Variants in PTPRD observed in about 807,000 individuals in gnomAD.
PTPRD encodes the protein receptor-type tyrosine-protein phosphatase delta.
PTPRD carries 34 observed loss-of-function variants against 214.5 expected under a neutral mutation model. The observed-to-expected ratio is 0.16, with a 90% CI of 0.12 to 0.21. PTPRD has a LOEUF of 0.21. Ranked by LOEUF, PTPRD falls within the 10% of genes least tolerant of loss-of-function variation. PTPRD has a pLI of 1.00. For synonymous variants in PTPRD, 1,128 were observed against 845.7 expected (o/e 1.33, Z -5.79); for missense variants, 2,545 against 2,398.7 (o/e 1.06, Z -1.27).
intron 9 of PTPRD, among the ~76,000 whole-genome samples, chr9:9,356,218 T>C (rs180799954): frequency 5.3e-5 from 8 of 151,330 alleles, no homozygotes; most frequent in Non-Finnish European, 1.2e-4. Flanking sequence ...AAGACAATTT[T>C]GTGTATGTTT....
At chr9:8,791,838 G>A (rs1025204377) in intron 11 of PTPRD, among the ~76,000 whole-genome samples, 11 of 152,006 alleles carry the variant, frequency 7.2e-5, no homozygotes, top group African/African-American at 2.7e-4. Context: ...TTTTAACTTA[G>A]GGAACATTTC....
chr9:10,382,501 T>A (rs925889413), intron 2 of PTPRD, among the ~76,000 whole-genome samples: 1 of 151,914 alleles, frequency 6.6e-6, no homozygotes, highest in Non-Finnish European at 1.5e-5. Flanking sequence ...TGAAATACAA[T>A]CTGAATTGAG....
At chr9:10,020,029 C>G (rs1194776275) in intron 4 of PTPRD, among the ~76,000 whole-genome samples, 3 of 152,098 alleles carry the variant, frequency 2.0e-5, no homozygotes, top group Non-Finnish European at 4.4e-5. Flanking sequence ...AATAATTTTA[C>G]TCTTGTTTTA....
At chr9:9,778,555 G>A (rs906333544) in intron 5 of PTPRD, among the ~76,000 whole-genome samples, 1 of 152,116 alleles carries the variant, frequency 6.6e-6, no homozygotes, top group African/African-American at 2.4e-5. Context: ...CCATGACTAA[G>A]GCATGTCTGT....
At chr9:10,332,474 C>G (rs942161) in intron 3 of PTPRD, among the ~76,000 whole-genome samples, 151,830 of 151,834 alleles carry the variant, frequency 1, 75,913 homozygotes, top group Middle Eastern at 1. Context: ...GATTAGTGAG[C>G]AGAGAAAAAA....
chr9:10,394,999 T>C (rs2154493059), intron 2 of PTPRD, among the ~76,000 whole-genome samples: 1 of 147,360 alleles, frequency 6.8e-6, no homozygotes, highest in South Asian at 2.2e-4. Flanking sequence ...TAACACTGGG[T>C]TCTGCTGCCT....
chr9:10,487,220 A>C (rs2099138527), intron 2 of PTPRD, among the ~76,000 whole-genome samples: 1 of 152,054 alleles, frequency 6.6e-6, no homozygotes, highest in Non-Finnish European at 1.5e-5. Context: ...TAGGCAACAG[A>C]TCATTGGGTC....
intron 3 of PTPRD, among the ~76,000 whole-genome samples, chr9:10,238,148 T>C (rs1194553032): frequency 1.9e-5 from 1 of 53,796 alleles, no homozygotes; most frequent in Non-Finnish European, 5.9e-5. Context: ...AAGCTGACCA[T>C]ACAAATTGGG....
At chr9:9,601,081 G>C (rs2093708725) in intron 7 of PTPRD, among the ~76,000 whole-genome samples, 1 of 138,532 alleles carries the variant, frequency 7.2e-6, no homozygotes, top group Non-Finnish European at 1.5e-5. Flanking sequence ...TATCACACAG[G>C]ATAAATACAC....
intron 20 of PTPRD, among the ~76,000 whole-genome samples, chr9:8,518,694 TG>T (rs2097832914): frequency 6.6e-6 from 1 of 152,238 alleles, no homozygotes; most frequent in African/African-American, 2.4e-5. Flanking sequence ...TAAGTGATCC[TG>T]CACGCATTTC....
intron 3 of PTPRD, among the ~76,000 whole-genome samples, chr9:10,181,137 G>C (rs537097130): frequency 3.9e-4 from 60 of 152,112 alleles, no homozygotes; most frequent in Middle Eastern, 3.4e-3. Context: ...GTTAATGAAT[G>C]ATTATGATTT....
intron 11 of PTPRD, among the ~76,000 whole-genome samples, chr9:8,775,853 AT>A (rs371927645): frequency 1.2e-3 from 179 of 151,588 alleles, no homozygotes; most frequent in African/African-American, 3.8e-3. Flanking sequence ...AAAAAAAAAA[AT>A]GATGCAATAA....
At chr9:8,620,422 C>T (rs957959546) in intron 14 of PTPRD, among the ~76,000 whole-genome samples, 1 of 151,940 alleles carries the variant, frequency 6.6e-6, no homozygotes, top group Non-Finnish European at 1.5e-5. Context: ...GTAAATAATG[C>T]CACTAGACTT....
intron 3 of PTPRD, among the ~76,000 whole-genome samples, chr9:10,313,237 C>T (rs1445257947): frequency 2.6e-5 from 4 of 151,894 alleles, no homozygotes; most frequent in African/African-American, 9.7e-5. Context: ...GATAATTACA[C>T]ACAGCTTGAC....
rs2095355918 is a variant in PTPRD, at chr9:8,436,507, G to A, written c.4086+85C>T. ...AGTCATATTTAAAGGGAAAAGCACT[G>A]ATGAAGTTAATTTTCAAGAATATGG... is the stretch of plus-strand genomic sequence containing the variant. On this transcript the variant is annotated intron_variant, in intron 35 of 45. Transcript: ENST00000381196. 1.4e-5 allele frequency: 14 copies of A among 1,018,424 alleles called. No homozygotes were observed. In the South Asian group the frequency reaches 1.8e-4, roughly 13 times the overall value. 63.1% of individuals were successfully genotyped at this position (1,018,424 alleles called of 1,614,324 possible).
chr9:9,931,779 C>T, intron 5 of PTPRD, among the ~76,000 whole-genome samples: 1 of 151,740 alleles, frequency 6.6e-6, no homozygotes, highest in Non-Finnish European at 1.5e-5. Context: ...GGGCAGGGCA[C>T]AGACAAACAA....
Position 9,295,422 on chromosome 9 carries a change from A to G in PTPRD, c.-203+102027T>C, listed in dbSNP as rs528217295. 4.6e-5 allele frequency among the ~76,000 whole-genome samples: 7 copies of G among 151,842 alleles called. No individual in the cohort carries two copies. In the South Asian group the frequency reaches 1.5e-3, roughly 31 times the overall value. On this transcript the variant is annotated intron_variant, in intron 9 of 45. Transcript: ENST00000381196. ...TTCTGTCACAAAAATATACTCTATC[A>G]TTGTAACATAAATATGCAGTGTAGT...
At chr9:9,566,768 G>A (rs2084676304) in intron 8 of PTPRD, among the ~76,000 whole-genome samples, 1 of 151,964 alleles carries the variant, frequency 6.6e-6, no homozygotes, top group African/African-American at 2.4e-5. Flanking sequence ...TAAAACCTTT[G>A]GACATTTGTG....
chr9:9,941,311 T>C (rs7037186), intron 4 of PTPRD, among the ~76,000 whole-genome samples: 2,510 of 152,160 alleles, frequency 0.016, 61 homozygotes, highest in African/African-American at 0.058. Flanking sequence ...CAATAAACAT[T>C]AAGTGAATGA....
Sources: allele counts gnomAD v4.1 joint callset (sites outside exome capture counted in the v4.1 genomes callset), GRCh38; gene constraint gnomAD v4.1.1; transcripts MANE v1.5; gene names NCBI Gene and HGNC (gene_info 2026-07-23, HGNC 2026-07-21).